The following MICAL2 variants were observed in gnomAD, a reference collection of about 807,000 sequenced individuals.
MICAL2 encodes [F-actin]-monooxygenase MICAL2.
In MICAL2, 77 loss-of-function variants were observed where a neutral mutation model predicts 127.3. The observed-to-expected ratio is 0.60, with a 90% confidence interval of 0.50 to 0.73. The LOEUF (loss-of-function observed/expected upper bound fraction) is 0.73, where lower values mean the gene tolerates loss of function less well. MICAL2 is among the 30% of genes least tolerant of loss of function. MICAL2 has a pLI of 0.00. For synonymous variants in MICAL2, 570 were observed against 551.1 expected (o/e 1.03, Z -0.48); for missense variants, 1,351 against 1,434.4 (o/e 0.94, Z 0.94).
intron 32 of MICAL2, among the ~76,000 whole-genome samples, chr11:12,336,842 G>T (rs1427052380): frequency 1.3e-5 from 2 of 151,964 alleles, no homozygotes; most frequent in East Asian, 3.9e-4. Flanking sequence ...CTGTGCTGCT[G>T]GATTCAGTTT....
chr11:12,294,988 A>C (rs745347206), downstream of MICAL2: 149 of 1,308,402 alleles, frequency 1.1e-4, no homozygotes, highest in Non-Finnish European at 1.4e-4. Context: ...AAAACTTTAA[A>C]GGCAAAAAAT....
chr11:12,306,318 G>A (rs1221409880), intron 29 of MICAL2, among the ~76,000 whole-genome samples: 1 of 151,622 alleles, frequency 6.6e-6, no homozygotes, highest in Non-Finnish European at 1.5e-5. Flanking sequence ...ATTGTTTCTT[G>A]TGGTTGCATT....
At position 12,241,043 on chromosome 11, in the gene MICAL2, C is replaced by G; in HGVS notation, c.2218C>G (p.Arg740Gly). ...GGACTCGCCTTTCTTCTCCCAGGAACGCCGTGTCTCAGGGATAGGTAAGCC... is the reference window on the plus strand; with the variant it reads ...GGACTCGCCTTTCTTCTCCCAGGAAGGCCGTGTCTCAGGGATAGGTAAGCC... Reference protein sequence around the residue: ...TRNPSLMKQERRVSGIGKPVL... With the variant: ...TRNPSLMKQEGRVSGIGKPVL... The change falls in exon 18 of 28, where the codon CGC (arginine) becomes GGC (glycine). Residue 740 changes from arginine to glycine, a missense_variant. Transcript: ENST00000683283. 1 of 1,613,694 alleles carries G rather than the reference C, an allele frequency of 6.2e-7. No individual in the cohort carries two copies. Among genetic ancestry groups the G allele is most frequent in the African/African-American group, 1.3e-5 (1 of 75,030 alleles).
intron 21 of MICAL2, among the ~76,000 whole-genome samples, chr11:12,246,378 C>A (rs1487175432): frequency 1.3e-5 from 2 of 152,210 alleles, no homozygotes; most frequent in Non-Finnish European, 2.9e-5. Context: ...CATTGCTGAT[C>A]TGGTCTGTGG....
downstream of MICAL2, among the ~76,000 whole-genome samples, chr11:12,266,016 G>T (rs1863607543): frequency 6.6e-6 from 1 of 152,142 alleles, no homozygotes; most frequent in African/African-American, 2.4e-5. Context: ...GGAGGCTGAG[G>T]CACGAGAATC....
At chr11:12,267,438 G>A (rs1565288351), downstream of MICAL2, among the ~76,000 whole-genome samples, 1 of 151,972 alleles carries the variant, frequency 6.6e-6, no homozygotes, top group African/African-American at 2.4e-5. Flanking sequence ...GACCTCACAC[G>A]AAATCCATTA....
chr11:12,278,961 C>A (rs1424657864), intron 1 of MICAL2, among the ~76,000 whole-genome samples: 2 of 152,074 alleles, frequency 1.3e-5, no homozygotes, highest in African/African-American at 4.8e-5. Context: ...GGAGGCAGGG[C>A]TGGAGATGGT....
intron 3 of MICAL2, among the ~76,000 whole-genome samples, chr11:12,170,138 A>G (rs1303833748): frequency 1.3e-5 from 2 of 152,158 alleles, no homozygotes; most frequent in African/African-American, 4.8e-5. Context: ...ACACAGTTCC[A>G]TATACATCGT....
chr11:12,240,845 A>G lies in MICAL2; in HGVS notation c.2215-195A>G, dbSNP rs988194554. On this transcript the variant is annotated intron_variant, in intron 17 of 27. Transcript: ENST00000683283. ...AAGGGGACTCCAGGACTTGCTGTTC[A>G]CATGGACAGGGAGCCAGGGCTCAAG... Among the ~76,000 whole-genome samples, 60 of 152,248 alleles carry G rather than the reference A, an allele frequency of 3.9e-4. 1 individual carries two copies. Among genetic ancestry groups the G allele is most frequent in the Middle Eastern group, 6.3e-3 (2 of 316 alleles).
At chr11:12,312,031 A>C (rs1198196896) in intron 29 of MICAL2, among the ~76,000 whole-genome samples, 1 of 151,272 alleles carries the variant, frequency 6.6e-6, no homozygotes, top group East Asian at 1.9e-4. Flanking sequence ...TATAAAAACA[A>C]ATTTTTAAAA....
At chr11:12,292,466 A>G (rs1283564036), downstream of MICAL2, among the ~76,000 whole-genome samples, 17 of 152,148 alleles carry the variant, frequency 1.1e-4, no homozygotes, top group Non-Finnish European at 1.5e-5. Context: ...CTTCATGTAT[A>G]CCTTTCACAA....
At chr11:12,335,544 A>G (rs555172182) in intron 32 of MICAL2, among the ~76,000 whole-genome samples, 1 of 152,226 alleles carries the variant, frequency 6.6e-6, no homozygotes, top group South Asian at 2.1e-4. Flanking sequence ...TATGTCCTGA[A>G]TAGTATTGCC....
rs772559350 is a variant in MICAL2, at chr11:12,162,123, C to T, written c.-33C>T. 9 of 1,613,004 alleles carry T rather than the reference C, an allele frequency of 5.6e-6. No individual in the cohort carries two copies. Among genetic ancestry groups the T allele is most frequent in the Admixed American group, 1.7e-5 (1 of 59,992 alleles). On this transcript the variant is annotated 5_prime_UTR_variant, in exon 3 of 28. Coordinates refer to ENST00000683283, the MANE Select transcript of MICAL2 (RefSeq NM_001282663.2). The stretch of plus-strand genomic sequence containing the variant: ...ACTTCATGCTGTTCACCTGTGTCCT[C>T]GCCGCACCACTGCCGCACACGACTC...
At chr11:12,333,611 G>T (rs1938689821) in intron 32 of MICAL2, among the ~76,000 whole-genome samples, 1 of 152,084 alleles carries the variant, frequency 6.6e-6, no homozygotes, top group East Asian at 1.9e-4. Flanking sequence ...TGCTAGGATT[G>T]TCTATATGAC....
intron 2 of MICAL2, among the ~76,000 whole-genome samples, chr11:12,152,546 G>A (rs1853714127): frequency 6.6e-6 from 1 of 152,052 alleles, no homozygotes; most frequent in Non-Finnish European, 1.5e-5. Flanking sequence ...CTAAGACCAG[G>A]GAACTGGTGC....
intron 34 of MICAL2, among the ~76,000 whole-genome samples, chr11:12,357,867 G>A (rs551220357): frequency 6.6e-5 from 10 of 152,166 alleles, no homozygotes; most frequent in African/African-American, 2.4e-4. Flanking sequence ...AAAAGATTGT[G>A]GTCATTGAAA....
At chr11:12,277,420 A>T (rs1863733696) in intron 1 of MICAL2, among the ~76,000 whole-genome samples, 1 of 152,186 alleles carries the variant, frequency 6.6e-6, no homozygotes, top group Non-Finnish European at 1.5e-5. Flanking sequence ...CCCATTGCAA[A>T]GGGGCATGGA....
At chr11:12,167,608 C>T (rs958475789) in intron 3 of MICAL2, among the ~76,000 whole-genome samples, 54 of 152,200 alleles carry the variant, frequency 3.5e-4, no homozygotes, top group African/African-American at 1.3e-3. Context: ...TTGCCTGATA[C>T]GGGCAGTTCC....
chr11:12,322,923 C>T (rs1191482973), intron 30 of MICAL2, among the ~76,000 whole-genome samples: 1 of 151,980 alleles, frequency 6.6e-6, no homozygotes, highest in African/African-American at 2.4e-5. Flanking sequence ...TTAGTGTATC[C>T]CTACAAAGTA....
Sources: allele counts gnomAD v4.1 joint callset (sites outside exome capture counted in the v4.1 genomes callset), GRCh38; gene constraint gnomAD v4.1.1; transcripts MANE v1.5; gene names NCBI Gene and HGNC (gene_info 2026-07-23, HGNC 2026-07-21).